Variants in IL1RAPL2 observed in about 807,000 individuals in gnomAD.
IL1RAPL2 encodes the protein X-linked interleukin-1 receptor accessory protein-like 2.
Under a neutral mutation model 44.1 loss-of-function variants are expected in IL1RAPL2, and 3 were observed. The observed-to-expected ratio is 0.07, with a 90% CI of 0.03 to 0.18. IL1RAPL2 has a LOEUF of 0.18. Among genes scored for constraint, IL1RAPL2 ranks in the 10% least tolerant of loss-of-function variants. The probability of loss-of-function intolerance (pLI) is 1.00; values close to 1 mark genes in which losing one functional copy is unlikely to be tolerated. For synonymous variants in IL1RAPL2, 181 were observed against 178.8 expected, an observed-to-expected ratio of 1.01 and a Z score of -0.10; for missense variants, 391 against 496.4, an observed-to-expected ratio of 0.79 and a Z score of 2.02.
At chrX:104,673,614 G>GT (rs1192897383) in intron 2 of IL1RAPL2, among the ~76,000 whole-genome samples, 2 of 111,235 alleles carry the variant, frequency 1.8e-5, no homozygotes, top group African/African-American at 6.6e-5. Flanking sequence ...CTTTAAAGTA[G>GT]TTTTTTCCAA....
intron 5 of IL1RAPL2, among the ~76,000 whole-genome samples, chrX:105,464,049 G>A (rs772357298): frequency 5.4e-5 from 6 of 112,065 alleles, no homozygotes; most frequent in East Asian, 5.7e-4. Flanking sequence ...ACAATGCCAG[G>A]CACATAATAT....
At chrX:104,868,657 T>A (rs1219006886) in intron 2 of IL1RAPL2, among the ~76,000 whole-genome samples, 1 of 112,345 alleles carries the variant, frequency 8.9e-6, no homozygotes, top group Non-Finnish European at 1.9e-5. Flanking sequence ...TTTGCATAAA[T>A]CCAAGATCTC....
intron 3 of IL1RAPL2, among the ~76,000 whole-genome samples, chrX:105,212,165 C>T (rs1001559422): frequency 1.5e-4 from 17 of 112,245 alleles, no homozygotes; most frequent in East Asian, 2.8e-4. Flanking sequence ...CAAGTGGTCT[C>T]GCTCAGCAGG....
chrX:105,255,602 G>A (rs780630992), intron 4 of IL1RAPL2, among the ~76,000 whole-genome samples: 169 of 111,984 alleles, frequency 1.5e-3, no homozygotes, highest in African/African-American at 5.4e-3. Flanking sequence ...TCTGCAAACA[G>A]AGATAGTTTG....
At chrX:105,118,879 C>T (rs1007969043) in intron 2 of IL1RAPL2, among the ~76,000 whole-genome samples, 3 of 111,775 alleles carry the variant, frequency 2.7e-5, no homozygotes, top group Admixed American at 9.5e-5. Context: ...TTAAAATGGG[C>T]GGGTGCTTCT....
intron 5 of IL1RAPL2, among the ~76,000 whole-genome samples, chrX:105,432,560 T>G (rs1177653745): frequency 9.0e-6 from 1 of 111,132 alleles, no homozygotes; most frequent in Non-Finnish European, 1.9e-5. Flanking sequence ...AAGCCCCCCC[T>G]TTTTTTGCTT....
intron 5 of IL1RAPL2, among the ~76,000 whole-genome samples, chrX:105,408,035 T>C (rs1189337840): frequency 8.9e-6 from 1 of 111,947 alleles, no homozygotes; most frequent in Non-Finnish European, 1.9e-5. Flanking sequence ...CAATCAAAGC[T>C]TATATGAGTG....
intron 9 of IL1RAPL2, among the ~76,000 whole-genome samples, chrX:105,750,238 C>A (rs2038584245): frequency 9.7e-6 from 1 of 102,744 alleles, no homozygotes; most frequent in African/African-American, 3.5e-5. Context: ...TTTTTGTTAA[C>A]TGCAAAGCAA....
intron 2 of IL1RAPL2, among the ~76,000 whole-genome samples, chrX:104,733,050 C>T (rs1209352472): frequency 1.8e-5 from 2 of 111,124 alleles, no homozygotes; most frequent in Non-Finnish European, 3.8e-5. Context: ...ATTAAAAAAG[C>T]ACTTAATATA....
intron 5 of IL1RAPL2, among the ~76,000 whole-genome samples, chrX:105,476,304 T>C (rs772961829): frequency 2.7e-5 from 3 of 112,806 alleles, no homozygotes; most frequent in African/African-American, 9.6e-5. Context: ...TCAGCAGTTC[T>C]CAATAATTTT....
chrX:104,623,263 C>T lies in IL1RAPL2; in HGVS notation c.-19-35632C>T, dbSNP rs182569051. 4.3e-3 allele frequency among the ~76,000 whole-genome samples: 470 copies of T among 110,173 alleles called. 3 individuals carry two copies. The highest frequency in any genetic ancestry group is 5.0e-3 in the Non-Finnish European group (266 of 53,012). ...AGTAGCTTGACCTCTAGATATTTGG[C>T]TTCATATGCCTTGGCTGCTTGGTAG... On this transcript the variant is annotated intron_variant, in intron 1 of 10. Coordinates refer to ENST00000372582, the MANE Select transcript of IL1RAPL2 (RefSeq NM_017416.2).
chrX:105,349,179 G>A (rs2035133577), intron 5 of IL1RAPL2, among the ~76,000 whole-genome samples: 1 of 111,956 alleles, frequency 8.9e-6, no homozygotes, highest in South Asian at 3.7e-4. Context: ...TTAGCCATGT[G>A]TAACTGACTT....
chrX:104,910,854 A>G (rs942426421), intron 2 of IL1RAPL2, among the ~76,000 whole-genome samples: 16 of 111,581 alleles, frequency 1.4e-4, no homozygotes, highest in African/African-American at 4.9e-4. Context: ...TCCTTAAATC[A>G]TTTTCTTTGC....
intron 2 of IL1RAPL2, among the ~76,000 whole-genome samples, chrX:104,927,880 G>A (rs1030589484): frequency 8.9e-6 from 1 of 111,965 alleles, no homozygotes; most frequent in Non-Finnish European, 1.9e-5. Context: ...TTGGTTACTT[G>A]CGCTCACCAG....
chrX:105,408,330 A>T (rs958355929), intron 5 of IL1RAPL2, among the ~76,000 whole-genome samples: 2 of 111,103 alleles, frequency 1.8e-5, no homozygotes, highest in African/African-American at 6.6e-5. Context: ...CTCCCTACCA[A>T]TGACCTGGTG....
Position 104,671,985 on chromosome X carries a change from C to G in IL1RAPL2, c.82+12990C>G, listed in dbSNP as rs190281215. ...ATAGTTTATAATGAGATTTTAATGT[C>G]TGAACACCACCCACCTCAGTGGTCA... On this transcript the variant is annotated intron_variant, in intron 2 of 10. Coordinates refer to ENST00000372582, the MANE Select transcript of IL1RAPL2 (RefSeq NM_017416.2). Among the ~76,000 whole-genome samples, 12 of 111,626 alleles carry G rather than the reference C, an allele frequency of 1.1e-4. No homozygotes were observed. In the Admixed American group the frequency reaches 1.1e-3, roughly 11 times the overall value.
intron 2 of IL1RAPL2, among the ~76,000 whole-genome samples, chrX:105,076,560 C>T (rs775195921): frequency 1.8e-4 from 20 of 110,752 alleles, no homozygotes; most frequent in South Asian, 7.9e-4. Flanking sequence ...CTATTAGGTC[C>T]GCTTGGTGCA....
chrX:104,982,235 C>T (rs1424779509), intron 2 of IL1RAPL2, among the ~76,000 whole-genome samples: 1 of 110,899 alleles, frequency 9.0e-6, no homozygotes, highest in Non-Finnish European at 1.9e-5. Context: ...TCAGTATACA[C>T]ATTTTAATGT....
chrX:104,837,783 T>C (rs1921780809), intron 2 of IL1RAPL2, among the ~76,000 whole-genome samples: 1 of 112,034 alleles, frequency 8.9e-6, no homozygotes, highest in South Asian at 3.7e-4. Flanking sequence ...TTTGGTGTTT[T>C]AGTTATGATG....
Sources: allele counts gnomAD v4.1 joint callset (sites outside exome capture counted in the v4.1 genomes callset), GRCh38; gene constraint gnomAD v4.1.1; transcripts MANE v1.5; gene names NCBI Gene and HGNC (gene_info 2026-07-23, HGNC 2026-07-21).